The following FGF14 variants were observed in gnomAD, a reference collection of about 807,000 sequenced individuals.
The protein encoded by FGF14 is fibroblast growth factor 14.
Under a neutral mutation model 25.5 loss-of-function variants are expected in FGF14, and 5 were observed. The ratio of observed to expected loss-of-function variants is 0.20; its 90% CI spans 0.10 to 0.41. FGF14 has a LOEUF of 0.41. Among genes scored for constraint, FGF14 ranks in the 10% least tolerant of loss-of-function variants. The pLI, the probability that FGF14 is intolerant of heterozygous loss-of-function variation, is 1.00. For missense variants in FGF14, 222 were observed against 320.1 expected (o/e 0.69, Z 2.34); for synonymous variants, 138 against 118.3 (o/e 1.17, Z -1.08).
intron 1 of FGF14, among the ~76,000 whole-genome samples, chr13:102,090,447 T>C (rs1850760095): frequency 7.1e-6 from 1 of 140,614 alleles, no homozygotes; most frequent in Admixed American, 7.1e-5. Context: ...TCGCCATATC[T>C]ATAAAATGAA....
chr13:102,060,796 G>T (rs921378050), intron 1 of FGF14, among the ~76,000 whole-genome samples: 10 of 152,140 alleles, frequency 6.6e-5, no homozygotes, highest in African/African-American at 2.4e-4. Flanking sequence ...GTGAGGACAA[G>T]CACCCCTGTT....
chr13:102,252,875 T>C (rs1354046191), intron 1 of FGF14, among the ~76,000 whole-genome samples: 2 of 152,156 alleles, frequency 1.3e-5, no homozygotes, highest in Non-Finnish European at 2.9e-5. Flanking sequence ...TGTGTCCATG[T>C]GTTCTCATTG....
At chr13:101,944,825 C>T (rs997581469) in intron 1 of FGF14, among the ~76,000 whole-genome samples, 7 of 152,114 alleles carry the variant, frequency 4.6e-5, no homozygotes, top group Admixed American at 6.5e-5. Flanking sequence ...TTATAAGGTA[C>T]CTAACATAGC....
intron 1 of FGF14, among the ~76,000 whole-genome samples, chr13:102,132,386 A>G (rs1276234950): frequency 6.6e-6 from 1 of 152,220 alleles, no homozygotes; most frequent in East Asian, 1.9e-4. Flanking sequence ...AATTAACTCA[A>G]TCTGAGGTCC....
chr13:102,190,259 C>T (rs569865968), intron 1 of FGF14, among the ~76,000 whole-genome samples: 19 of 152,262 alleles, frequency 1.2e-4, no homozygotes, highest in African/African-American at 3.6e-4. Context: ...GATTGACATA[C>T]GCTTTAGGAC....
At chr13:102,060,582 A>AT (rs2042639896) in intron 1 of FGF14, among the ~76,000 whole-genome samples, 3 of 152,344 alleles carry the variant, frequency 2.0e-5, no homozygotes, top group East Asian at 3.9e-4. Context: ...ACTGCTTCAC[A>AT]TTTTTTGATA....
At chr13:102,342,584 T>C (rs2138914051) in intron 1 of FGF14, among the ~76,000 whole-genome samples, 1 of 152,244 alleles carries the variant, frequency 6.6e-6, no homozygotes, top group African/African-American at 2.4e-5. Context: ...AACATACTAA[T>C]ATATGACTTT....
chr13:102,391,025 A>G (rs968438653), intron 1 of FGF14, among the ~76,000 whole-genome samples: 1 of 152,182 alleles, frequency 6.6e-6, no homozygotes, highest in Non-Finnish European at 1.5e-5. Flanking sequence ...GATGTTTCTC[A>G]TTTACTCTCA....
intron 1 of FGF14, among the ~76,000 whole-genome samples, chr13:102,334,518 C>T (rs746307978): frequency 6.6e-6 from 1 of 152,122 alleles, no homozygotes; most frequent in Non-Finnish European, 1.5e-5. Flanking sequence ...TGTAGCTCTA[C>T]TCAGTGAAAT....
chr13:102,383,399 T>C (rs1424079300), intron 1 of FGF14, among the ~76,000 whole-genome samples: 1 of 152,206 alleles, frequency 6.6e-6, no homozygotes, highest in Non-Finnish European at 1.5e-5. Flanking sequence ...ATCAGCTTTG[T>C]TGGACAATAA....
At chr13:102,109,552 AATAAT>A (rs1449383697) in intron 1 of FGF14, among the ~76,000 whole-genome samples, 6 of 152,222 alleles carry the variant, frequency 3.9e-5, no homozygotes, top group African/African-American at 1.2e-4. Flanking sequence ...GTCAATAAAA[AATAAT>A]ATAATCACTA....
In FGF14 at chr13:101,896,026, A is replaced by G. The variant is rs529756619; in HGVS notation, c.193+20427T>C. Among the ~76,000 whole-genome samples, 12 of 152,324 alleles carry G rather than the reference A, an allele frequency of 7.9e-5. No individual in the cohort carries two copies. In the East Asian group the frequency reaches 2.1e-3, roughly 27 times the overall value. On this transcript the variant is annotated intron_variant, in intron 1 of 4. Coordinates refer to ENST00000376143, the MANE Select transcript of FGF14 (RefSeq NM_004115.4). ...ATCAAGTATTTTAAATTACTTAACCATAATTAAAATTGATACTGCACAAAG... is the reference window on the plus strand; with the variant it reads ...ATCAAGTATTTTAAATTACTTAACCGTAATTAAAATTGATACTGCACAAAG...
intron 1 of FGF14, among the ~76,000 whole-genome samples, chr13:102,236,561 C>A (rs9513999): frequency 0.24 from 35,876 of 151,974 alleles, 5,000 homozygotes; most frequent in Admixed American, 0.37. Flanking sequence ...CCAAACAGTA[C>A]AAGTGAGTGG....
intron 3 of FGF14, among the ~76,000 whole-genome samples, chr13:101,818,950 T>G (rs1454551074): frequency 6.6e-6 from 1 of 152,184 alleles, no homozygotes; most frequent in Non-Finnish European, 1.5e-5. Flanking sequence ...TTTCATTATT[T>G]CTTCTGTTCC....
chr13:102,029,421 A>C (rs911266030), intron 1 of FGF14, among the ~76,000 whole-genome samples: 1 of 152,128 alleles, frequency 6.6e-6, no homozygotes, highest in Non-Finnish European at 1.5e-5. Context: ...ATCTTACAGC[A>C]GAGCTAGCCC....
intron 1 of FGF14, among the ~76,000 whole-genome samples, chr13:101,947,859 C>G (rs1404033152): frequency 6.6e-6 from 1 of 151,864 alleles, no homozygotes; most frequent in African/African-American, 2.4e-5. Flanking sequence ...ATTGTTGTTT[C>G]CAAAAATTAA....
At chr13:102,243,497 T>C (rs996153109) in intron 1 of FGF14, among the ~76,000 whole-genome samples, 2 of 152,044 alleles carry the variant, frequency 1.3e-5, no homozygotes, top group Non-Finnish European at 2.9e-5. Context: ...AATTGTTCAA[T>C]TGAAACAATT....
intron 1 of FGF14, among the ~76,000 whole-genome samples, chr13:102,032,019 T>C (rs1164587822): frequency 6.6e-6 from 1 of 152,090 alleles, no homozygotes; most frequent in Non-Finnish European, 1.5e-5. Flanking sequence ...TGAGGGGATG[T>C]TGAATTTATA....
chr13:102,226,095 T>C (rs1029559741), intron 1 of FGF14, among the ~76,000 whole-genome samples: 1 of 152,178 alleles, frequency 6.6e-6, no homozygotes. Context: ...CTCCAAATGA[T>C]AGTGCACCAG....
Sources: gnomAD v4.1 joint callset for allele counts (sites outside exome capture counted in the v4.1 genomes callset) on GRCh38, gnomAD v4.1.1 for gene constraint, MANE v1.5 for transcripts, NCBI Gene and HGNC (gene_info 2026-07-23, HGNC 2026-07-21) for gene names.